The following EYA2 variants were observed in gnomAD, a reference collection of about 807,000 sequenced individuals.
EYA2 encodes the protein protein phosphatase EYA2.
In EYA2, 31 loss-of-function variants were observed where a neutral mutation model predicts 69.2. The ratio of observed to expected loss-of-function variants is 0.45; its 90% confidence interval spans 0.34 to 0.60. EYA2 has a LOEUF of 0.60. Ranked by LOEUF, EYA2 falls within the 20% of genes least tolerant of loss-of-function variation. The pLI, the probability that EYA2 is intolerant of heterozygous loss-of-function variation, is 0.02. For missense variants in EYA2, 622 were observed against 701.2 expected, an observed-to-expected ratio of 0.89 and a Z score of 1.28; for synonymous variants, 257 against 279.4, an observed-to-expected ratio of 0.92 and a Z score of 0.80.
At chr20:47,112,780 A>G (rs6090627) in intron 9 of EYA2, among the ~76,000 whole-genome samples, 25,869 of 151,554 alleles carry the variant, frequency 0.17, 2,349 homozygotes, top group Middle Eastern at 0.32. Context: ...CAAAAGAGAA[A>G]ACAGTTCCAG....
At chr20:47,172,512 A>G (rs749882728) in intron 11 of EYA2, among the ~76,000 whole-genome samples, 195 bp from the exon 12 acceptor site, 20 of 152,184 alleles carry the variant, frequency 1.3e-4, no homozygotes, top group Non-Finnish European at 2.4e-4. Context: ...AAAAGACACC[A>G]CTTTTCTTGG....
chr20:47,052,990 A>G (rs1007125394), intron 5 of EYA2, among the ~76,000 whole-genome samples: 2 of 152,096 alleles, frequency 1.3e-5, no homozygotes, highest in African/African-American at 4.8e-5. Context: ...TGTGTCCCCT[A>G]TGTGGTCCTG....
intron 5 of EYA2, among the ~76,000 whole-genome samples, chr20:47,056,491 G>A (rs1026641085): frequency 8.6e-5 from 13 of 151,908 alleles, no homozygotes; most frequent in Non-Finnish European, 4.4e-5. Context: ...AATTATCACC[G>A]TAGCTCCCGT....
At chr20:46,896,844 A>T (rs1983835720) in intron 1 of EYA2, among the ~76,000 whole-genome samples, 1 of 152,214 alleles carries the variant, frequency 6.6e-6, no homozygotes, top group African/African-American at 2.4e-5. Flanking sequence ...TCACTATTTT[A>T]TCTGAAAGGA....
chr20:46,967,477 G>C (rs1979862079), intron 1 of EYA2, among the ~76,000 whole-genome samples: 1 of 152,224 alleles, frequency 6.6e-6, no homozygotes, highest in Non-Finnish European at 1.5e-5. Context: ...CAGTCAGGGA[G>C]GATGGTGATA....
chr20:46,896,403 A>AC (rs1048953177), intron 1 of EYA2, among the ~76,000 whole-genome samples: 9 of 132,154 alleles, frequency 6.8e-5, no homozygotes, highest in African/African-American at 2.4e-4. Context: ...CATCCTGCTT[A>AC]CAAAAAAAAA....
chr20:47,087,955 A>G (rs2011253), intron 7 of EYA2, among the ~76,000 whole-genome samples: 36,896 of 152,202 alleles, frequency 0.24, 4,617 homozygotes, highest in Middle Eastern at 0.31. Flanking sequence ...GGCGGGGCAC[A>G]GTGGCTCACG....
chr20:46,939,358 T>G (rs60596578), intron 1 of EYA2, among the ~76,000 whole-genome samples: 19,455 of 152,170 alleles, frequency 0.13, 1,541 homozygotes, highest in East Asian at 0.41. Flanking sequence ...TTCCTGAGAA[T>G]GAACTCAAGG....
At chr20:47,167,830 T>G (rs1423076232) in intron 10 of EYA2, among the ~76,000 whole-genome samples, 1 of 152,140 alleles carries the variant, frequency 6.6e-6, no homozygotes, top group Non-Finnish European at 1.5e-5. Context: ...AGTAATAGAT[T>G]TGCAGGTTCC....
chr20:47,047,298 T>C (rs2030090570), intron 5 of EYA2, among the ~76,000 whole-genome samples: 1 of 152,076 alleles, frequency 6.6e-6, no homozygotes, highest in Non-Finnish European at 1.5e-5. Context: ...CAAACACAAA[T>C]GCCCACAGGA....
At chr20:47,175,860 C>T (rs1333044552) in intron 12 of EYA2, among the ~76,000 whole-genome samples, 2 of 152,016 alleles carry the variant, frequency 1.3e-5, no homozygotes, top group Non-Finnish European at 2.9e-5. Flanking sequence ...AACCAGAGGC[C>T]GTGTGTTCTC....
At chr20:46,941,299 G>A (rs560380319) in intron 1 of EYA2, among the ~76,000 whole-genome samples, 1 of 152,354 alleles carries the variant, frequency 6.6e-6, no homozygotes, top group South Asian at 2.1e-4. Context: ...ATGTAATGAG[G>A]TGCCTTCAGT....
At chr20:47,049,474 TG>T (rs1156367957) in intron 5 of EYA2, among the ~76,000 whole-genome samples, 2 of 152,154 alleles carry the variant, frequency 1.3e-5, no homozygotes, top group African/African-American at 2.4e-5. Flanking sequence ...GTGAATGGCT[TG>T]GGGCTCTCCT....
chr20:47,182,895 C>G (rs146665369), intron 14 of EYA2, among the ~76,000 whole-genome samples: 1,602 of 152,208 alleles, frequency 0.011, 18 homozygotes, highest in South Asian at 0.019. Flanking sequence ...CGAGATGGCA[C>G]CACTGCACTC....
At position 47,188,184 on chromosome 20, in the gene EYA2, T is replaced by TTCCCCACC; in HGVS notation, c.*60_*67dup. ...CATCTCACCCTCAGACCCCCTCGCC[T>TTCCCCACC]TCCCCACCTCCCCACCGAGAACTCC... On this transcript the variant is annotated 3_prime_UTR_variant, in exon 16 of 16. Coordinates refer to ENST00000327619, the MANE Select transcript of EYA2 (RefSeq NM_005244.5). The TTCCCCACC allele has an allele frequency of 6.6e-7, 1 of 1,505,226 alleles. No homozygotes were observed. The allele number at this position is 1,505,226 out of a possible 1,614,324, so 93.2% of individuals were successfully genotyped here.
intron 12 of EYA2, among the ~76,000 whole-genome samples, chr20:47,179,579 A>T (rs62201430): frequency 0.58 from 86,722 of 150,142 alleles, 26,698 homozygotes; most frequent in African/African-American, 0.82. Context: ...GATGAATGGA[A>T]GGGTGGATGG....
At chr20:47,065,797 G>T (rs969720696) in intron 5 of EYA2, among the ~76,000 whole-genome samples, 4 of 152,278 alleles carry the variant, frequency 2.6e-5, no homozygotes, top group East Asian at 3.9e-4. Context: ...GCACCAATCT[G>T]CAGTTCACAC....
intron 5 of EYA2, among the ~76,000 whole-genome samples, chr20:47,057,467 GC>G (rs1302424736): frequency 8.6e-5 from 13 of 150,766 alleles, no homozygotes; most frequent in African/African-American, 2.9e-4. Context: ...CCCACTTGTG[GC>G]TTTTCCATTC....
chr20:46,912,619 A>G (rs1055115344), intron 1 of EYA2, among the ~76,000 whole-genome samples: 1 of 152,204 alleles, frequency 6.6e-6, no homozygotes, highest in Non-Finnish European at 1.5e-5. Context: ...TGCTATGGGG[A>G]AAAAGTAAGT....
Sources: gnomAD v4.1 joint callset for allele counts (sites outside exome capture counted in the v4.1 genomes callset) on GRCh38, gnomAD v4.1.1 for gene constraint, MANE v1.5 for transcripts, NCBI Gene and HGNC (gene_info 2026-07-23, HGNC 2026-07-21) for gene names.